Variants in UBE2E2 observed in about 807,000 individuals in gnomAD.
UBE2E2 encodes ubiquitin conjugating enzyme E2 E2.
A neutral mutation model predicts 24.7 loss-of-function variants in UBE2E2; 6 were observed. That is an observed-to-expected ratio of 0.24 (90% CI 0.13 to 0.48). The LOEUF (loss-of-function observed/expected upper bound fraction) is 0.48. UBE2E2 is among the 20% of genes least tolerant of loss of function. The pLI, the probability that UBE2E2 is intolerant of heterozygous loss-of-function variation, is 0.99. For missense variants in UBE2E2, 169 were observed against 245.0 expected (o/e 0.69, Z 2.07); for synonymous variants, 104 against 83.6 (o/e 1.24, Z -1.33).
intron 5 of UBE2E2, among the ~76,000 whole-genome samples, chr3:23,544,815 C>T (rs1269452717): frequency 6.6e-6 from 1 of 152,160 alleles, no homozygotes; most frequent in Non-Finnish European, 1.5e-5. Context: ...TCCCGCCAGC[C>T]TCTGAGTTCC....
chr3:23,269,555 T>A (rs1167473245), intron 3 of UBE2E2, among the ~76,000 whole-genome samples: 1 of 151,834 alleles, frequency 6.6e-6, no homozygotes, highest in African/African-American at 2.4e-5. Context: ...GATTTGAGGG[T>A]GGGAGTTGGG....
intron 3 of UBE2E2, among the ~76,000 whole-genome samples, chr3:23,425,638 A>G (rs1697908361): frequency 1.3e-5 from 2 of 152,158 alleles, no homozygotes; most frequent in South Asian, 2.1e-4. Context: ...AATCAGCATC[A>G]CAGTAGGAAA....
At chr3:23,443,381 G>A (rs1162056847) in intron 3 of UBE2E2, among the ~76,000 whole-genome samples, 1 of 152,178 alleles carries the variant, frequency 6.6e-6, no homozygotes, top group African/African-American at 2.4e-5. Context: ...GGTAGGGGTG[G>A]AGAGTCAATA....
At chr3:23,260,227 G>A (rs1697859298) in intron 3 of UBE2E2, among the ~76,000 whole-genome samples, 1 of 152,132 alleles carries the variant, frequency 6.6e-6, no homozygotes. Flanking sequence ...TTTAAAAACA[G>A]TATTGTCTAA....
intron 3 of UBE2E2, among the ~76,000 whole-genome samples, chr3:23,357,455 C>G (rs1429444122): frequency 6.6e-6 from 1 of 151,904 alleles, no homozygotes; most frequent in Non-Finnish European, 1.5e-5. Context: ...GAGATTATAT[C>G]CATAGAAAAT....
At chr3:23,455,422 C>G (rs1698656855) in intron 3 of UBE2E2, among the ~76,000 whole-genome samples, 1 of 152,112 alleles carries the variant, frequency 6.6e-6, no homozygotes, top group Admixed American at 6.6e-5. Context: ...ACCTTAATAA[C>G]AAGTACATTA....
intron 3 of UBE2E2, among the ~76,000 whole-genome samples, chr3:23,279,443 C>G (rs1461349059): frequency 6.6e-6 from 1 of 152,126 alleles, no homozygotes; most frequent in African/African-American, 2.4e-5. Context: ...TGGGGAATGT[C>G]TGTGAATGTT....
intron 3 of UBE2E2, among the ~76,000 whole-genome samples, chr3:23,466,944 T>C (rs1258541905): frequency 6.6e-6 from 1 of 152,180 alleles, no homozygotes; most frequent in Non-Finnish European, 1.5e-5. Flanking sequence ...TGGGAGAGGC[T>C]CTGCAGAATT....
At chr3:23,459,475 G>C (rs189593773) in intron 3 of UBE2E2, among the ~76,000 whole-genome samples, 1 of 152,288 alleles carries the variant, frequency 6.6e-6, no homozygotes, top group Admixed American at 6.5e-5. Flanking sequence ...GTAATCATGA[G>C]AAAATAAGTG....
intron 4 of UBE2E2, among the ~76,000 whole-genome samples, chr3:23,530,545 T>G (rs1475951272): frequency 6.6e-6 from 1 of 152,366 alleles, no homozygotes; most frequent in Non-Finnish European, 1.5e-5. Context: ...TATAGTCATT[T>G]AAGCTGTTTT....
chr3:23,440,010 G>T (rs1698266245), intron 3 of UBE2E2, among the ~76,000 whole-genome samples: 1 of 151,008 alleles, frequency 6.6e-6, no homozygotes, highest in African/African-American at 2.4e-5. Context: ...TGTGTATCAC[G>T]CCTGTAATCC....
chr3:23,262,309 C>T (rs1033501252), intron 3 of UBE2E2, among the ~76,000 whole-genome samples: 3 of 152,064 alleles, frequency 2.0e-5, no homozygotes, highest in Non-Finnish European at 2.9e-5. Flanking sequence ...GAAACAGAGT[C>T]GTGGTCTTTT....
chr3:23,545,031 A>G (rs6765542), intron 5 of UBE2E2, among the ~76,000 whole-genome samples: 32,116 of 150,752 alleles, frequency 0.21, 2,467 homozygotes, highest in Non-Finnish European at 0.25. Flanking sequence ...TGCTGCCCGC[A>G]TGTCCCACCT....
chr3:23,241,332 T>G (rs1217640410), intron 3 of UBE2E2, among the ~76,000 whole-genome samples: 1 of 152,198 alleles, frequency 6.6e-6, no homozygotes, highest in Admixed American at 6.5e-5. Context: ...GTCTCCCTTC[T>G]TCCATCCTTC....
At chr3:23,291,166 A>T (rs1412713591) in intron 3 of UBE2E2, among the ~76,000 whole-genome samples, 1 of 151,924 alleles carries the variant, frequency 6.6e-6, no homozygotes, top group Non-Finnish European at 1.5e-5. Context: ...GTAGATGCAT[A>T]GCTTGGCCAG....
chr3:23,501,488 AG>A (rs1420958852), intron 4 of UBE2E2, among the ~76,000 whole-genome samples: 1 of 152,176 alleles, frequency 6.6e-6, no homozygotes, highest in African/African-American at 2.4e-5. Context: ...GTTTTCCAAG[AG>A]TGTACAACCA....
chr3:23,377,640 A>G (rs537238658), intron 3 of UBE2E2, among the ~76,000 whole-genome samples: 3 of 152,326 alleles, frequency 2.0e-5, no homozygotes, highest in African/African-American at 7.2e-5. Flanking sequence ...TGTAGAGCTC[A>G]TGCTCTGGAA....
intron 5 of UBE2E2, among the ~76,000 whole-genome samples, chr3:23,555,861 C>T (rs1350593756): frequency 6.6e-6 from 1 of 151,902 alleles, no homozygotes; most frequent in Non-Finnish European, 1.5e-5. Context: ...ACAGGAGTTA[C>T]CAAGGTTGTA....
chr3:23,288,764 TA>T (rs914362751), intron 3 of UBE2E2, among the ~76,000 whole-genome samples: 30 of 145,634 alleles, frequency 2.1e-4, no homozygotes, highest in Middle Eastern at 3.5e-3. Flanking sequence ...TCTTACAATG[TA>T]AAAAAAAAAA....
Sources: gnomAD v4.1 joint callset for allele counts (sites outside exome capture counted in the v4.1 genomes callset) on GRCh38, gnomAD v4.1.1 for gene constraint, MANE v1.5 for transcripts, NCBI Gene and HGNC (gene_info 2026-07-23, HGNC 2026-07-21) for gene names.